The following RBBP8 variants were observed in gnomAD, a reference collection of about 807,000 sequenced individuals.
RBBP8 encodes the protein RB binding protein 8, endonuclease, also known as DNA endonuclease RBBP8.
In RBBP8, 88 loss-of-function variants were observed where a neutral mutation model predicts 108.3. The observed-to-expected ratio is 0.81, with a 90% CI of 0.68 to 0.97. The LOEUF (loss-of-function observed/expected upper bound fraction) is 0.97, where lower values mean the gene tolerates loss of function less well. Ranked by LOEUF, RBBP8 falls within the 50% of genes least tolerant of loss-of-function variation. The pLI, the probability that RBBP8 is intolerant of heterozygous loss-of-function variation, is 0.00. For missense variants in RBBP8, 1,023 were observed against 1,049.0 expected (o/e 0.98, Z 0.34); for synonymous variants, 332 against 348.2 (o/e 0.95, Z 0.52).
chr18:22,994,652 A>G (rs1215255897), intron 12 of RBBP8, among the ~76,000 whole-genome samples: 1 of 151,174 alleles, frequency 6.6e-6, no homozygotes, highest in South Asian at 2.1e-4. Context: ...GTCTCAAAAA[A>G]AAAAAAGAAA....
intron 3 of RBBP8, among the ~76,000 whole-genome samples, chr18:22,918,547 G>A (rs2144329907): frequency 6.6e-6 from 1 of 152,284 alleles, no homozygotes; most frequent in South Asian, 2.1e-4. Context: ...TGTAGCATTT[G>A]TGTTCCACTG....
intron 2 of RBBP8, among the ~76,000 whole-genome samples, chr18:22,940,401 A>C (rs1910981303): frequency 6.8e-6 from 1 of 148,146 alleles, no homozygotes; most frequent in Non-Finnish European, 1.5e-5. Context: ...GCTCACTGCA[A>C]GCTCCACCTC....
At chr18:23,018,591 A>G (rs1174387885) in intron 17 of RBBP8, among the ~76,000 whole-genome samples, 2 of 152,100 alleles carry the variant, frequency 1.3e-5, no homozygotes, top group African/African-American at 4.8e-5. Flanking sequence ...GCTTTAAATT[A>G]CCTCTAATTA....
intron 4 of RBBP8, among the ~76,000 whole-genome samples, chr18:22,957,170 A>C (rs1404996215): frequency 6.6e-6 from 1 of 152,154 alleles, no homozygotes; most frequent in Admixed American, 6.5e-5. Context: ...GAATTTAAAC[A>C]TCATATTATT....
At chr18:22,998,612 A>G (rs1889489931) in intron 14 of RBBP8, among the ~76,000 whole-genome samples, 1 of 152,260 alleles carries the variant, frequency 6.6e-6, no homozygotes, top group Admixed American at 6.5e-5. Context: ...GACATTCCCC[A>G]GTGATCATTT....
At position 22,936,767 on chromosome 18, in the gene RBBP8, C is replaced by G; in HGVS notation, c.-85C>G. ...CTGTCATTTCAGGTATTTGACCTGT[C>G]CAAAGACGACTTGATACCTCTATAA... On this transcript the variant is annotated 5_prime_UTR_variant, in exon 2 of 19. Coordinates refer to ENST00000327155, the MANE Select transcript of RBBP8 (RefSeq NM_002894.3). 1 of 1,522,812 alleles carries G rather than the reference C, an allele frequency of 6.6e-7. No individual in the cohort carries two copies. Among genetic ancestry groups the G allele is most frequent in the Non-Finnish European group, 9.1e-7 (1 of 1,100,706 alleles). 94.3% of individuals were successfully genotyped at this position (1,522,812 alleles called of 1,614,324 possible).
chr18:22,990,650 T>C (rs186767044), intron 9 of RBBP8, among the ~76,000 whole-genome samples: 1 of 152,276 alleles, frequency 6.6e-6, no homozygotes, highest in East Asian at 1.9e-4. Context: ...TTTTATCACC[T>C]TCAAAGAAAA....
chr18:22,925,015 C>A (rs565713669), intron 3 of RBBP8, among the ~76,000 whole-genome samples: 1 of 151,928 alleles, frequency 6.6e-6, no homozygotes, highest in Non-Finnish European at 1.5e-5. Context: ...TCCCAAGTAG[C>A]TGAGGCTACA....
rs745335628 is a variant in RBBP8 at position 23,026,143 on chromosome 18, G to A, written c.2597G>A (p.Gly866Asp). ...TCTAAGTTTATGATTTGTTTTTAAGGTTATATTAAGGAAGATCTTGATCCT... is the reference window on the plus strand; with the variant it reads ...TCTAAGTTTATGATTTGTTTTTAAGATTATATTAAGGAAGATCTTGATCCT... ...FPSTQTCMER[G>D]YIKEDLDPCP... Residue 866 changes from glycine (G) to aspartate (D), a missense_variant and splice_region_variant, in exon 19 of 19, where the codon GGT (glycine) becomes GAT (aspartate). Physicochemically the swap from Gly to Asp is moderately conservative, Grantham distance 94 (BLOSUM62 -1). Coordinates refer to ENST00000327155, the MANE Select transcript of RBBP8 (RefSeq NM_002894.3). 4 of 1,609,958 alleles carry A rather than the reference G, an allele frequency of 2.5e-6. No individual in the cohort carries two copies. Among genetic ancestry groups the A allele is most frequent in the African/African-American group, 2.7e-5 (2 of 74,820 alleles).
At chr18:22,933,203 C>A (rs1332346522), upstream of RBBP8, 1 of 152,266 alleles carries the variant, frequency 6.6e-6, no homozygotes, top group Admixed American at 6.5e-5. Flanking sequence ...CGAGGTAGCG[C>A]TCCCCTCCCC....
chr18:22,985,658 T>TAC (rs1223959035), intron 8 of RBBP8, among the ~76,000 whole-genome samples: 1 of 151,994 alleles, frequency 6.6e-6, no homozygotes, highest in African/African-American at 2.4e-5. Context: ...GCCGCAGGTG[T>TAC]ATAGGTTGGG....
At chr18:22,970,579 A>G (rs145835182) in intron 5 of RBBP8, among the ~76,000 whole-genome samples, 141 of 152,316 alleles carry the variant, frequency 9.3e-4, no homozygotes, top group African/African-American at 2.9e-3. Context: ...TGTATTAATA[A>G]TATTCAATCT....
chr18:23,004,229 G>C (rs1425352462), intron 15 of RBBP8, among the ~76,000 whole-genome samples: 2 of 151,858 alleles, frequency 1.3e-5, no homozygotes, highest in African/African-American at 4.8e-5. Flanking sequence ...CAGCCTAAGT[G>C]TCTACTTACA....
At chr18:22,998,302 ATGATAGTG>A (rs2045894157) in intron 14 of RBBP8, among the ~76,000 whole-genome samples, 1 of 152,232 alleles carries the variant, frequency 6.6e-6, no homozygotes, top group African/African-American at 2.4e-5. Context: ...AACATTCAGA[ATGATAGTG>A]TATATGCTGA....
intron 4 of RBBP8, among the ~76,000 whole-genome samples, chr18:22,951,174 T>C (rs1240107504): frequency 6.6e-6 from 1 of 152,214 alleles, no homozygotes; most frequent in Non-Finnish European, 1.5e-5. Flanking sequence ...CCACAACAAA[T>C]ATTTGAGTCC....
intron 2 of RBBP8, among the ~76,000 whole-genome samples, chr18:22,945,472 C>G (rs1260079863): frequency 6.6e-6 from 1 of 152,102 alleles, no homozygotes; most frequent in African/African-American, 2.4e-5. Context: ...ACCGCAGCCT[C>G]TGCCTCCCGG....
Position 22,992,819 on chromosome 18 carries a change from G to C in RBBP8, c.992G>C (p.Gly331Ala), listed in dbSNP as rs200382317. The C allele has an allele frequency of 3.7e-5, 60 of 1,609,608 alleles. No individual in the cohort carries two copies. In the East Asian group the frequency reaches 1.3e-3, roughly 35 times the overall value. Residue 331 changes from glycine (G) to alanine (A), a missense_variant, in exon 11 of 19, where the codon GGA becomes GCA. Physicochemically the swap from Gly to Ala is moderately conservative, Grantham distance 60. Coordinates refer to ENST00000327155, the MANE Select transcript of RBBP8 (RefSeq NM_002894.3). The part of the protein sequence containing the change: ...LPTRVSSPVF[G>A]ATSSIKSGLD... ...ACTCGAGTGTCATCTCCTGTATTTG[G>C]AGCTACCTCTAGTATCAAAAGTGGT...
intron 15 of RBBP8, among the ~76,000 whole-genome samples, chr18:23,005,359 CATTGTGTACAT>C (rs1434721751): frequency 6.6e-6 from 1 of 152,176 alleles, no homozygotes; most frequent in African/African-American, 2.4e-5. Context: ...GGTCTTTACA[CATTGTGTACAT>C]ATATCAGAGT....
chr18:23,014,165 ATTTTTTT>A (rs553671944), intron 16 of RBBP8, among the ~76,000 whole-genome samples: 1 of 146,636 alleles, frequency 6.8e-6, no homozygotes, highest in Admixed American at 6.8e-5. Flanking sequence ...CGCCTGGCTA[ATTTTTTT>A]TTTTTGTATT....
Sources: allele counts gnomAD v4.1 joint callset (sites outside exome capture counted in the v4.1 genomes callset), GRCh38; gene constraint gnomAD v4.1.1; transcripts MANE v1.5; gene names NCBI Gene and HGNC (gene_info 2026-07-23, HGNC 2026-07-21).